Variants in SMIM18 observed in about 807,000 individuals in gnomAD.
The protein encoded by SMIM18 is small integral membrane protein 18.
In SMIM18, 4 loss-of-function variants were observed where a neutral mutation model predicts 5.9. The observed-to-expected ratio is 0.68, with a 90% confidence interval of 0.33 to 1.56. SMIM18 has a LOEUF of 1.56. SMIM18 is among the 40% of genes most tolerant of loss of function. SMIM18 has a pLI of 0.06. For missense variants in SMIM18, 89 were observed against 109.7 expected (o/e 0.81, Z 0.84); for synonymous variants, 37 against 37.4 (o/e 0.99, Z 0.04).
chr8:30,645,604 A>G lies in SMIM18; in HGVS notation c.*7A>G. On this transcript the variant is annotated 3_prime_UTR_variant, in exon 3 of 3. Transcript: ENST00000517349. ...TGAAACTGAAGTGGTCTAACACTCTATAGAAGATGAACAAAATCTCTGAAA... is the reference window on the plus strand; with the variant it reads ...TGAAACTGAAGTGGTCTAACACTCTGTAGAAGATGAACAAAATCTCTGAAA... The G allele has an allele frequency of 6.6e-7, 1 of 1,523,272 alleles. No individual in the cohort carries two copies. 94.4% of individuals were successfully genotyped at this position (1,523,272 alleles called of 1,614,324 possible).
At position 30,645,485 on chromosome 8, in the gene SMIM18, T is replaced by C. The variant is rs1802035419; in HGVS notation, c.176T>C (p.Leu59Pro). The change falls in exon 3 of 3, where the codon CTT (leucine) becomes CCT (proline). Residue 59 changes from leucine (L) to proline (P), a missense_variant. By Grantham distance (98) the Leu-to-Pro change is moderately conservative. Coordinates refer to ENST00000517349, the MANE Select transcript of SMIM18 (RefSeq NM_001206847.2). ...GTGCTGGCTTTCCTTTATGAAGTGC[T>C]TGACTGCTGCTGCTGTGTAAAAAAC... is the stretch of plus-strand genomic sequence containing the variant. Reference protein sequence around the residue: ...LVVLAFLYEVLDCCCCVKNKT... With the variant: ...LVVLAFLYEVPDCCCCVKNKT... 6.5e-7 allele frequency: 1 copy of C among 1,535,584 alleles called. No individual in the cohort carries two copies. The highest frequency in any genetic ancestry group is 8.7e-7 in the Non-Finnish European group (1 of 1,146,906).
At chr8:30,642,029 T>C (rs1283044373) in intron 1 of SMIM18, among the ~76,000 whole-genome samples, 3 of 152,226 alleles carry the variant, frequency 2.0e-5, no homozygotes, top group Non-Finnish European at 1.5e-5. Flanking sequence ...AAAATGACAG[T>C]GTTTCCTAAT....
chr8:30,641,473 C>G (rs536453809), intron 1 of SMIM18, among the ~76,000 whole-genome samples: 2 of 152,322 alleles, frequency 1.3e-5, no homozygotes, highest in East Asian at 1.9e-4. Flanking sequence ...AGCTATCCCC[C>G]CACCTGAGCC....
intron 1 of SMIM18, chr8:30,643,511 C>T (rs540681971): frequency 2.0e-5 from 3 of 152,244 alleles, no homozygotes; most frequent in African/African-American, 7.2e-5. Context: ...CAAAAATTAG[C>T]CAGGTGTGGT....
At chr8:30,644,437 C>T (rs1233232507) in intron 1 of SMIM18, 55 bp from the exon 2 acceptor site, 1 of 152,130 alleles carries the variant, frequency 6.6e-6, no homozygotes, top group African/African-American at 2.4e-5. Context: ...TTTTATTATC[C>T]TCATTCTGAA....
chr8:30,641,585 CCT>C (rs1388298965), intron 1 of SMIM18, among the ~76,000 whole-genome samples: 1 of 152,120 alleles, frequency 6.6e-6, no homozygotes, highest in Non-Finnish European at 1.5e-5. Context: ...GTCTCAAACT[CCT>C]GGGCTTGGCC....
chr8:30,640,136 C>A (rs1227058354), intron 1 of SMIM18, among the ~76,000 whole-genome samples: 6 of 152,116 alleles, frequency 3.9e-5, no homozygotes, highest in Non-Finnish European at 8.8e-5. Flanking sequence ...TGCTGTTTCA[C>A]CAAACTGACT....
chr8:30,644,750 ATTT>A lies in SMIM18; in HGVS notation c.-30+193_-30+195del, dbSNP rs5890531. Among the ~76,000 whole-genome samples, 372 of 141,468 alleles carry A rather than the reference ATTT, an allele frequency of 2.6e-3. 6 individuals are homozygous for A. The East Asian group carries it at 0.045, about 17-fold the overall frequency. 92.8% of individuals were successfully genotyped at this position (141,468 alleles called of 152,430 possible). On this transcript the variant is annotated intron_variant, in intron 2 of 2. Coordinates refer to ENST00000517349, the MANE Select transcript of SMIM18 (RefSeq NM_001206847.2). ...ATTAGCAGTTAATTTCGGTATATGA[ATTT>A]TTTTTTTTTTTTTTGAGAAACGGTT...
At chr8:30,640,556 G>A (rs189965170) in intron 1 of SMIM18, among the ~76,000 whole-genome samples, 1 of 152,150 alleles carries the variant, frequency 6.6e-6, no homozygotes, top group Non-Finnish European at 1.5e-5. Context: ...CATGGGTAGG[G>A]AAGTCCAGAA....
At chr8:30,644,875 C>T (rs1006591774) in intron 2 of SMIM18, among the ~76,000 whole-genome samples, 21 of 151,978 alleles carry the variant, frequency 1.4e-4, no homozygotes, top group African/African-American at 4.6e-4. Context: ...CTTAGCCTCC[C>T]AAGCAGCTGG....
intron 1 of SMIM18, among the ~76,000 whole-genome samples, chr8:30,640,739 C>T (rs1457022594): frequency 6.6e-6 from 1 of 152,174 alleles, no homozygotes; most frequent in African/African-American, 2.4e-5. Context: ...GAGTCTCACT[C>T]TATCGCCCAG....
chr8:30,643,739 A>T (rs570445040), intron 1 of SMIM18: 4 of 151,924 alleles, frequency 2.6e-5, no homozygotes, highest in Non-Finnish European at 5.9e-5. Context: ...TTTACTAAAG[A>T]TTTCTTCAGA....
intron 1 of SMIM18, among the ~76,000 whole-genome samples, chr8:30,643,161 A>G (rs542322461): frequency 6.6e-6 from 1 of 152,232 alleles, no homozygotes; most frequent in Non-Finnish European, 1.5e-5. Flanking sequence ...AATTTAAGGA[A>G]TTATATTGTT....
chr8:30,645,765 G>C lies in SMIM18; in HGVS notation c.*168G>C. 8.0e-6 allele frequency: 5 copies of C among 621,924 alleles called. No homozygotes were observed. The highest frequency in any genetic ancestry group is 1.4e-5 in the Non-Finnish European group (5 of 368,270). The allele number at this position is 621,924 out of a possible 1,614,324, so 38.5% of individuals were successfully genotyped here. On this transcript the variant is annotated 3_prime_UTR_variant, in exon 3 of 3. Coordinates refer to ENST00000517349, the MANE Select transcript of SMIM18 (RefSeq NM_001206847.2). ...TAAACATGCACTGTTTGTGTGTATA[G>C]CCATTTCATTAAATATACAGTAAAA... is the stretch of plus-strand genomic sequence containing the variant.
chr8:30,641,373 GT>G (rs1215092573), intron 1 of SMIM18, among the ~76,000 whole-genome samples: 2 of 152,084 alleles, frequency 1.3e-5, no homozygotes, highest in South Asian at 4.2e-4. Context: ...TTTTGGTTTG[GT>G]TTTTTTGAGA....
rs538192005 is a variant in SMIM18, at chr8:30,645,666, G to A, written c.*69G>A. On this transcript the variant is annotated 3_prime_UTR_variant, in exon 3 of 3. Coordinates refer to ENST00000517349, the MANE Select transcript of SMIM18 (RefSeq NM_001206847.2). ...TCTTCTGAGAAAAAAAATATATTCT[G>A]AGGCCAACTGTTGCTACAAAACAAA... The A allele has an allele frequency of 1.3e-3, 1,862 of 1,405,694 alleles. 13 individuals are homozygous for A. Among genetic ancestry groups the A allele is most frequent in the South Asian group, 9.7e-3 (680 of 70,424 alleles). The allele number at this position is 1,405,694 out of a possible 1,614,324, so 87.1% of individuals were successfully genotyped here. A position where few individuals can be genotyped will look rare whatever the true frequency, so the allele number is the denominator to read the frequency against.
In SMIM18 at chr8:30,645,327, G is replaced by C. The variant is rs532942544; in HGVS notation, c.18G>C (p.Trp6Cys). Residue 6 changes from tryptophan (W) to cysteine (C), a missense_variant, in exon 3 of 3, where the codon TGG (tryptophan) becomes TGC (cysteine). By Grantham distance (215) the Trp-to-Cys change is radical. Transcript: ENST00000517349. MASSH[W>C]NETTTSVYQY... is the part of the protein sequence containing the mutation. ...CTCTAAGAATGGCTTCCAGCCACTGGAATGAAACCACTACCTCTGTTTATC... is the reference window on the plus strand; with the variant it reads ...CTCTAAGAATGGCTTCCAGCCACTGCAATGAAACCACTACCTCTGTTTATC... 1.2e-5 allele frequency: 18 copies of C among 1,535,426 alleles called. No individual in the cohort carries two copies. The African/African-American group carries it at 2.1e-4, about 17-fold the overall frequency.
At chr8:30,640,320 C>T (rs1801769031) in intron 1 of SMIM18, among the ~76,000 whole-genome samples, 1 of 152,200 alleles carries the variant, frequency 6.6e-6, no homozygotes, top group African/African-American at 2.4e-5. Flanking sequence ...CATCTGGCAA[C>T]CCAAAGGTTC....
chr8:30,642,461 T>C (rs1431265860), intron 1 of SMIM18, among the ~76,000 whole-genome samples: 3 of 152,174 alleles, frequency 2.0e-5, no homozygotes, highest in Non-Finnish European at 2.9e-5. Context: ...CTTTTTAAAA[T>C]AGATGATTTA....
Sources: allele counts gnomAD v4.1 joint callset (sites outside exome capture counted in the v4.1 genomes callset), GRCh38; gene constraint gnomAD v4.1.1; transcripts MANE v1.5; gene names NCBI Gene and HGNC (gene_info 2026-07-23, HGNC 2026-07-21).